The following ANXA8 variants were observed in gnomAD, a reference collection of about 807,000 sequenced individuals.
The protein encoded by ANXA8 is annexin A8, also known as VAC-beta.
Under a neutral mutation model 26.8 loss-of-function variants are expected in ANXA8, and 9 were observed. That is an observed-to-expected ratio of 0.34 (90% CI 0.20 to 0.59). The LOEUF (loss-of-function observed/expected upper bound fraction) is 0.59. Among genes scored for constraint, ANXA8 ranks in the 20% least tolerant of loss-of-function variants. The probability of loss-of-function intolerance (pLI) is 0.84; values close to 1 mark genes in which losing one functional copy is unlikely to be tolerated. For missense variants in ANXA8, 83 were observed against 238.5 expected, an observed-to-expected ratio of 0.35 and a Z score of 4.29; for synonymous variants, 39 against 94.8, an observed-to-expected ratio of 0.41 and a Z score of 3.42.
the ANXA8 span, among the ~76,000 whole-genome samples, chr10:47,684,328 G>A: frequency 2.6e-5 from 4 of 151,784 alleles, no homozygotes; most frequent in Non-Finnish European, 5.9e-5. Flanking sequence ...CCTATAAATT[G>A]GAGTATTTAG....
chr10:47,561,979 A>G, the ANXA8 span, among the ~76,000 whole-genome samples: 3 of 151,456 alleles, frequency 2.0e-5, no homozygotes, highest in East Asian at 3.9e-4. Flanking sequence ...AGCTATACAG[A>G]TATCTGCTGT....
chr10:47,480,838 A>C, intron 1 of ANXA8, among the ~76,000 whole-genome samples: 1 of 89,064 alleles, frequency 1.1e-5, no homozygotes, highest in Non-Finnish European at 2.3e-5. Flanking sequence ...CCATCCACCC[A>C]CCCATCCATC....
At chr10:47,656,341 T>C in the ANXA8 span, among the ~76,000 whole-genome samples, 6 of 151,232 alleles carry the variant, frequency 4.0e-5, no homozygotes, top group South Asian at 1.2e-3. Flanking sequence ...GAGGCTGCAG[T>C]GAGCTGTGAT....
the ANXA8 span, among the ~76,000 whole-genome samples, chr10:47,743,297 C>A: frequency 1.8e-5 from 1 of 57,070 alleles, no homozygotes; most frequent in Admixed American, 2.1e-4. Flanking sequence ...TATATATACA[C>A]ATATATATAT....
At chr10:47,499,017 G>A in the ANXA8 span, among the ~76,000 whole-genome samples, 4 of 141,852 alleles carry the variant, frequency 2.8e-5, no homozygotes, top group East Asian at 2.2e-4. Flanking sequence ...CAGGAGAATC[G>A]CTTGAGCCCA....
the ANXA8 span, among the ~76,000 whole-genome samples, chr10:47,490,628 C>T: frequency 6.7e-6 from 1 of 148,258 alleles, no homozygotes; most frequent in Non-Finnish European, 1.5e-5. Context: ...AGCCCTGCCT[C>T]AGCTTTTCTC....
chr10:47,500,994 C>T, the ANXA8 span, among the ~76,000 whole-genome samples: 18 of 132,692 alleles, frequency 1.4e-4, 1 homozygote, highest in East Asian at 3.0e-4. Flanking sequence ...CCTGGGTTCA[C>T]GCCATTCTCC....
chr10:47,492,547 C>T, the ANXA8 span, among the ~76,000 whole-genome samples: 2 of 145,420 alleles, frequency 1.4e-5, no homozygotes, highest in African/African-American at 2.5e-5. Context: ...CCTCAAGCCA[C>T]CTGCCACATG....
the ANXA8 span, chr10:47,986,919 C>A: frequency 4.0e-6 from 2 of 493,892 alleles, no homozygotes; most frequent in East Asian, 1.0e-4. Context: ...GGGGCAAGGG[C>A]CGCTTTTAGG....
At chr10:47,665,967 A>G in the ANXA8 span, among the ~76,000 whole-genome samples, 1 of 151,922 alleles carries the variant, frequency 6.6e-6, no homozygotes, top group Non-Finnish European at 1.5e-5. Flanking sequence ...TAGCTGGTAG[A>G]AAGTTTTCAC....
chr10:47,581,479 T>G, the ANXA8 span: 2 of 555,400 alleles, frequency 3.6e-6, 1 homozygote, highest in African/African-American at 3.9e-5. Flanking sequence ...AAGGTGTTCA[T>G]GGCCATTGTG....
the ANXA8 span, chr10:47,753,022 C>A: frequency 7.1e-6 from 1 of 141,678 alleles, no homozygotes; most frequent in Non-Finnish European, 1.5e-5. Context: ...GCAGGAGAAT[C>A]GCTTGAACCT....
chr10:47,668,665 GT>G, the ANXA8 span, among the ~76,000 whole-genome samples: 5 of 150,568 alleles, frequency 3.3e-5, no homozygotes, highest in South Asian at 4.1e-4. Flanking sequence ...TAAATTTTAA[GT>G]TTTTTTCTTC....
the ANXA8 span, among the ~76,000 whole-genome samples, chr10:47,557,796 C>G: frequency 6.7e-6 from 1 of 149,682 alleles, no homozygotes; most frequent in Admixed American, 6.7e-5. Context: ...AACAGTGACT[C>G]TAGCTGGAGG....
At chr10:47,941,547 G>A in the ANXA8 span, among the ~76,000 whole-genome samples, 14 of 146,950 alleles carry the variant, frequency 9.5e-5, 3 homozygotes, top group East Asian at 1.5e-3. Context: ...CCCAGCACTC[G>A]GGAGGCTGAG....
the ANXA8 span, among the ~76,000 whole-genome samples, chr10:47,617,953 C>A: frequency 3.1e-4 from 39 of 125,874 alleles, no homozygotes; most frequent in African/African-American, 1.2e-3. Flanking sequence ...CTTGGTTGTT[C>A]TGAAAAATGA....
the ANXA8 span, chr10:47,986,019 T>C: frequency 6.6e-6 from 1 of 151,566 alleles, no homozygotes. Context: ...ATTTCCAGTT[T>C]TTGTCTTTTA....
the ANXA8 span, among the ~76,000 whole-genome samples, chr10:47,527,646 T>C: frequency 9.2e-5 from 13 of 141,542 alleles, no homozygotes; most frequent in South Asian, 2.2e-4. Context: ...AACTTAGTGA[T>C]TGGGCTTGTG....
upstream of ANXA8, among the ~76,000 whole-genome samples, chr10:47,486,972 C>CAAAACAAAAACAAAAACAAAAACA (rs1243393744): frequency 4.9e-5 from 7 of 142,322 alleles, no homozygotes; most frequent in Admixed American, 4.3e-4. Context: ...GACTCTATCT[C>CAAAACAAAAACAAAAACAAAAACA]AAAACAAAAA....
Sources: allele counts gnomAD v4.1 joint callset (sites outside exome capture counted in the v4.1 genomes callset), GRCh38; gene constraint gnomAD v4.1.1; transcripts MANE v1.5; gene names NCBI Gene and HGNC (gene_info 2026-07-23, HGNC 2026-07-21).